Variants in PRDM1 observed in about 807,000 individuals in gnomAD.
The protein encoded by PRDM1 is PR domain zinc finger protein 1.
PRDM1 carries 13 observed loss-of-function variants against 62.8 expected under a neutral mutation model. That is an observed-to-expected ratio of 0.21 (90% confidence interval 0.13 to 0.33). PRDM1 has a LOEUF of 0.33. Ranked by LOEUF, PRDM1 falls within the 10% of genes least tolerant of loss-of-function variation. PRDM1 has a pLI of 1.00. For synonymous variants in PRDM1, 396 were observed against 417.6 expected (o/e 0.95, Z 0.63); for missense variants, 895 against 1,058.8 (o/e 0.85, Z 2.15).
chr6:106,000,157 G>C (rs1362782239), intron 1 of PRDM1, among the ~76,000 whole-genome samples: 2 of 152,182 alleles, frequency 1.3e-5, no homozygotes, highest in Non-Finnish European at 2.9e-5. Context: ...CATTATCTAT[G>C]TATTTCAACT....
chr6:105,998,325 G>A (rs1211397375), intron 1 of PRDM1, among the ~76,000 whole-genome samples: 2 of 152,140 alleles, frequency 1.3e-5, no homozygotes, highest in African/African-American at 4.8e-5. Flanking sequence ...GCTGAAGCAG[G>A]AGGATTGTTT....
intron 3 of PRDM1, 46 bp downstream of exon 3, chr6:106,095,780 A>G (rs371784198): frequency 6.2e-7 from 1 of 1,603,230 alleles, no homozygotes; most frequent in Non-Finnish European, 8.5e-7. Context: ...TTAGGAAAAA[A>G]TGGAGCTAAA....
At chr6:106,064,933 G>A (rs1476173062) in intron 1 of PRDM1, among the ~76,000 whole-genome samples, 2 of 152,126 alleles carry the variant, frequency 1.3e-5, no homozygotes, top group African/African-American at 4.8e-5. Context: ...GAGAGATGAT[G>A]CTCTCTGCTG....
chr6:106,019,877 T>G (rs1341193694), intron 1 of PRDM1, among the ~76,000 whole-genome samples: 2 of 146,844 alleles, frequency 1.4e-5, no homozygotes, highest in Non-Finnish European at 3.0e-5. Context: ...TGACCTCAGG[T>G]GATCTGTCTG....
In PRDM1 at chr6:106,009,671, C is replaced by T. The variant is rs144336969; in HGVS notation, c.-67+16032C>T. Among the ~76,000 whole-genome samples, 806 of 152,134 alleles carry T rather than the reference C, an allele frequency of 5.3e-3. 4 individuals carry two copies. The highest frequency in any genetic ancestry group is 0.018 in the African/African-American group (755 of 41,522). On this transcript the variant is annotated intron_variant, in intron 1 of 6. Coordinates refer to the PRDM1 transcript ENST00000652320. Reference sequence around the variant, plus strand: ...AACCAAAGAAGGAGCTAACTCAGGACGAAAGTTTTGAGCATCCAACCTGAG... The same window carrying T: ...AACCAAAGAAGGAGCTAACTCAGGATGAAAGTTTTGAGCATCCAACCTGAG...
chr6:106,106,368 C>A lies in PRDM1; in HGVS notation c.1774-3C>A. ...AGAGCTAACACATGTGGCTTCTTCC[C>A]AGGTCCACCTGAGAGTGCACAGTGG... is the stretch of plus-strand genomic sequence containing the variant. On this transcript the variant is annotated splice_polypyrimidine_tract_variant and splice_region_variant and intron_variant, in intron 5 of 6. Transcript: ENST00000369096. This position sits in a 1 kb window ranked among gnomAD's most constrained non-coding sequence, Gnocchi z 4.4. 1 of 1,614,084 alleles carries A rather than the reference C, an allele frequency of 6.2e-7. No individual in the cohort carries two copies. The highest frequency in any genetic ancestry group is 8.5e-7 in the Non-Finnish European group (1 of 1,179,982).
intron 4 of PRDM1, among the ~76,000 whole-genome samples, chr6:106,102,117 T>C (rs1467514370): frequency 2.0e-5 from 3 of 152,340 alleles, no homozygotes; most frequent in South Asian, 4.1e-4. Context: ...TTCTTTCTTA[T>C]AGTCTTGGGG....
At chr6:106,099,049 G>T in intron 3 of PRDM1, 2 of 1,613,556 alleles carry the variant, frequency 1.2e-6, no homozygotes, top group Non-Finnish European at 8.5e-7. Context: ...TCATTTTTCT[G>T]TTATTTTCCC....
At chr6:106,078,993 C>G (rs1339631499) in intron 1 of PRDM1, among the ~76,000 whole-genome samples, 1 of 151,802 alleles carries the variant, frequency 6.6e-6, no homozygotes, top group East Asian at 1.9e-4. Flanking sequence ...CAGAGTCTTA[C>G]TCTGTCGCCC....
chr6:106,062,927 C>G (rs1051985553), intron 1 of PRDM1, among the ~76,000 whole-genome samples: 5 of 152,126 alleles, frequency 3.3e-5, no homozygotes, highest in African/African-American at 9.7e-5. Context: ...TCCCACCCCC[C>G]AAAAACGCCT....
chr6:106,008,502 C>A (rs1485702877), intron 1 of PRDM1, among the ~76,000 whole-genome samples: 14 of 151,666 alleles, frequency 9.2e-5, no homozygotes, highest in Admixed American at 6.6e-4. Flanking sequence ...CCCTTTCACA[C>A]TCTTTTGCCA....
chr6:106,087,995 TTTTTTAACTAAGAGTAGCA>T, intron 1 of PRDM1, 187 bp from the exon 2 acceptor site: 1 of 219,274 alleles, frequency 4.6e-6, no homozygotes, highest in Non-Finnish European at 8.9e-6. Context: ...TTTTTTTTTT[TTTTTTAACTAAGAGTAGCA>T]TTTAAAAACC....
chr6:106,005,170 A>T (rs1772468978), intron 1 of PRDM1, among the ~76,000 whole-genome samples: 2 of 152,226 alleles, frequency 1.3e-5, no homozygotes, highest in Admixed American at 1.3e-4. Context: ...TGATTTTGGC[A>T]CTTGATGGAA....
chr6:106,066,877 A>T (rs1310505582), intron 1 of PRDM1, among the ~76,000 whole-genome samples: 1 of 152,176 alleles, frequency 6.6e-6, no homozygotes, highest in Non-Finnish European at 1.5e-5. Flanking sequence ...TAAAATTATG[A>T]TATTGCTTAT....
chr6:106,073,480 A>G (rs564666930), intron 1 of PRDM1, among the ~76,000 whole-genome samples: 19 of 152,258 alleles, frequency 1.2e-4, no homozygotes, highest in Non-Finnish European at 1.9e-4. Flanking sequence ...TATTTCTTCA[A>G]TTTAAAAAAT....
upstream of PRDM1, among the ~76,000 whole-genome samples, chr6:106,045,175 A>G (rs945340209): frequency 1.3e-5 from 2 of 152,202 alleles, no homozygotes; most frequent in African/African-American, 4.8e-5. Context: ...AACTATCCCA[A>G]TAAAACACCA....
At position 106,106,870 on chromosome 6, in the gene PRDM1, CCTGTCTCCCTTCCCTG is replaced by C. The variant is rs777575624; in HGVS notation, c.1903-33_1903-18del. 3.0e-5 allele frequency: 47 copies of C among 1,557,334 alleles called. No homozygotes were observed. The highest frequency in any genetic ancestry group is 4.1e-5 in the African/African-American group (3 of 73,554). The stretch of plus-strand genomic sequence containing the variant: ...TGGCAACTCTTAATCTTCTGGCCTT[CCTGTCTCCCTTCCCTG>C]CTGTCTCTCTCCCCTACACTGTAGG... On this transcript the variant is annotated intron_variant, in intron 6 of 6. Transcript: ENST00000369096. The surrounding 1 kb of genome is among the most constrained non-coding windows in gnomAD (Gnocchi z 4.4).
exon 1 of PRDM1, among the ~76,000 whole-genome samples, chr6:106,048,579 C>T (rs923869177): frequency 2.0e-5 from 3 of 152,124 alleles, no homozygotes; most frequent in Non-Finnish European, 2.9e-5. Context: ...TTTTATGACT[C>T]TCCTGGTTGC....
chr6:106,018,575 T>C (rs1772653394), intron 1 of PRDM1, among the ~76,000 whole-genome samples: 1 of 152,238 alleles, frequency 6.6e-6, no homozygotes, highest in East Asian at 1.9e-4. Context: ...CTCTGAATTT[T>C]CTGGTTTTTC....
Sources: gnomAD v4.1 joint callset for allele counts (sites outside exome capture counted in the v4.1 genomes callset) on GRCh38, gnomAD v4.1.1 for gene constraint, Gnocchi (gnomAD v3.1) non-coding constraint, MANE v1.5 for transcripts, NCBI Gene and HGNC (gene_info 2026-07-23, HGNC 2026-07-21) for gene names.